The following GDPD4 variants were observed in gnomAD, a reference collection of about 807,000 sequenced individuals.
GDPD4 encodes the protein glycerophosphodiester phosphodiesterase domain containing 4.
GDPD4 carries 60 observed loss-of-function variants against 67.8 expected under a neutral mutation model. That is an observed-to-expected ratio of 0.88 (90% CI 0.72 to 1.10). GDPD4 has a LOEUF of 1.10. Among genes scored for constraint, GDPD4 ranks in the 50% least tolerant of loss-of-function variants. The pLI, the probability that GDPD4 is intolerant of heterozygous loss-of-function variation, is 0.00. For missense variants in GDPD4, 623 were observed against 613.9 expected, an observed-to-expected ratio of 1.01 and a Z score of -0.16; for synonymous variants, 212 against 210.9, an observed-to-expected ratio of 1.00 and a Z score of -0.04.
intron 11 of GDPD4, among the ~76,000 whole-genome samples, chr11:77,255,013 G>A (rs1958977865): frequency 6.6e-6 from 1 of 152,046 alleles, no homozygotes; most frequent in South Asian, 2.1e-4. Flanking sequence ...AGCAAAGAAA[G>A]CTCCACGATC....
chr11:77,227,832 G>A, intron 16 of GDPD4, 32 bp downstream of exon 16: 7 of 1,556,176 alleles, frequency 4.5e-6, no homozygotes, highest in Non-Finnish European at 6.2e-6. Context: ...TAGGGATGAA[G>A]AGACAGGAGT....
rs2135812714 is a variant in GDPD4 at position 77,217,207 on chromosome 11, G to C, written c.*70C>G. On this transcript the variant is annotated 3_prime_UTR_variant, in exon 17 of 17. Transcript: ENST00000315938. Reference sequence around the variant, plus strand: ...CACTCTTGGGTAGAGCCGGGTAGAGGGCTGCTAGAGTCCAAGGACCTTCCA... The same window carrying C: ...CACTCTTGGGTAGAGCCGGGTAGAGCGCTGCTAGAGTCCAAGGACCTTCCA... 4 of 1,146,620 alleles carry C rather than the reference G, an allele frequency of 3.5e-6. No homozygotes were observed. Among genetic ancestry groups the C allele is most frequent in the Middle Eastern group, 3.9e-4 (2 of 5,188 alleles). 71.0% of individuals were successfully genotyped at this position (1,146,620 alleles called of 1,614,324 possible). A position where few individuals can be genotyped will look rare whatever the true frequency, so the allele number is the denominator to read the frequency against.
chr11:77,285,010 G>T, intron 3 of GDPD4, 75 bp downstream of exon 3: 1 of 1,066,778 alleles, frequency 9.4e-7, no homozygotes, highest in Non-Finnish European at 1.4e-6. Context: ...GATCTTTTCA[G>T]CCTGAGGTAG....
chr11:77,226,414 G>A (rs1045458033), intron 16 of GDPD4, among the ~76,000 whole-genome samples: 6 of 151,810 alleles, frequency 4.0e-5, no homozygotes, highest in Non-Finnish European at 7.4e-5. Context: ...ATGAGAAGAG[G>A]AAGAGAGACC....
chr11:77,220,704 A>G (rs1958209442), intron 16 of GDPD4, among the ~76,000 whole-genome samples: 1 of 152,152 alleles, frequency 6.6e-6, no homozygotes, highest in Non-Finnish European at 1.5e-5. Flanking sequence ...TGGTATCAGG[A>G]TGATGCTGGC....
At chr11:77,225,503 T>C (rs1175022336) in intron 16 of GDPD4, among the ~76,000 whole-genome samples, 1 of 152,040 alleles carries the variant, frequency 6.6e-6, no homozygotes, top group African/African-American at 2.4e-5. Flanking sequence ...AGTCTCTCTC[T>C]CCCTCTCACA....
intron 13 of GDPD4, among the ~76,000 whole-genome samples, chr11:77,241,169 A>T (rs1958656459): frequency 6.6e-6 from 1 of 152,214 alleles, no homozygotes; most frequent in Non-Finnish European, 1.5e-5. Context: ...CAAGATATGG[A>T]ATCAACCTAA....
chr11:77,220,048 G>C (rs1039539249), intron 16 of GDPD4, among the ~76,000 whole-genome samples: 5 of 152,066 alleles, frequency 3.3e-5, no homozygotes, highest in Admixed American at 1.3e-4. Flanking sequence ...TGAGACTATG[G>C]GGTGATTTTG....
At chr11:77,236,764 G>C (rs1000985186) in intron 13 of GDPD4, among the ~76,000 whole-genome samples, 7 of 151,624 alleles carry the variant, frequency 4.6e-5, no homozygotes, top group African/African-American at 1.2e-4. Context: ...ATCAACAATC[G>C]CAATTACAGT....
At chr11:77,295,801 A>G (rs1200122392) in intron 1 of GDPD4, among the ~76,000 whole-genome samples, 1 of 152,232 alleles carries the variant, frequency 6.6e-6, no homozygotes, top group African/African-American at 2.4e-5. Context: ...CTAGTCTTCA[A>G]AAGACATTCC....
At chr11:77,222,573 G>T (rs1278192274) in intron 16 of GDPD4, among the ~76,000 whole-genome samples, 1 of 152,142 alleles carries the variant, frequency 6.6e-6, no homozygotes, top group Non-Finnish European at 1.5e-5. Flanking sequence ...CTCTCTTCTG[G>T]CTTGTAAAGT....
intron 11 of GDPD4, among the ~76,000 whole-genome samples, chr11:77,246,612 G>A (rs919748363): frequency 5.9e-5 from 9 of 152,092 alleles, no homozygotes; most frequent in Admixed American, 2.6e-4. Context: ...ATAAAATAGA[G>A]GAGAGGAAGA....
chr11:77,253,777 G>C (rs1034998841), intron 11 of GDPD4, among the ~76,000 whole-genome samples: 1 of 152,054 alleles, frequency 6.6e-6, no homozygotes, highest in Admixed American at 6.5e-5. Context: ...TCCTTGAGAG[G>C]GCAGTGCACA....
chr11:77,271,445 GAA>G, intron 5 of GDPD4, 52 bp from the exon 6 acceptor site: 3 of 1,079,328 alleles, frequency 2.8e-6, no homozygotes, highest in Non-Finnish European at 4.3e-6. Context: ...GCTTGGATCA[GAA>G]CTGTCCTCAG....
chr11:77,286,935 G>T (rs1327507460), intron 2 of GDPD4: 1 of 152,054 alleles, frequency 6.6e-6, no homozygotes, highest in Non-Finnish European at 1.5e-5. Flanking sequence ...TTTTCTTCAA[G>T]ATTCACTGAA....
intron 13 of GDPD4, among the ~76,000 whole-genome samples, chr11:77,238,709 C>T (rs1958610020): frequency 6.6e-6 from 1 of 151,812 alleles, no homozygotes; most frequent in Non-Finnish European, 1.5e-5. Context: ...ACAAAGTCTA[C>T]CGACAAAGAA....
At chr11:77,243,632 A>G (rs1958716719) in intron 13 of GDPD4, 62 bp downstream of exon 13, 2 of 1,352,514 alleles carry the variant, frequency 1.5e-6, no homozygotes, top group African/African-American at 1.4e-5. Context: ...AAGTTTAATT[A>G]GAATGTGTAT....
intron 5 of GDPD4, among the ~76,000 whole-genome samples, chr11:77,275,930 C>T (rs989433278): frequency 5.3e-5 from 8 of 152,140 alleles, no homozygotes; most frequent in Non-Finnish European, 8.8e-5. Context: ...GTAGTGAGAA[C>T]AAATAAGAGT....
At chr11:77,225,608 C>T (rs1354526062) in intron 16 of GDPD4, among the ~76,000 whole-genome samples, 1 of 152,064 alleles carries the variant, frequency 6.6e-6, no homozygotes, top group Non-Finnish European at 1.5e-5. Flanking sequence ...AAAAAAGACA[C>T]GTTACAAACA....
Sources: gnomAD v4.1 joint callset for allele counts (sites outside exome capture counted in the v4.1 genomes callset) on GRCh38, gnomAD v4.1.1 for gene constraint, MANE v1.5 for transcripts, NCBI Gene and HGNC (gene_info 2026-07-23, HGNC 2026-07-21) for gene names.